The following ZBBX variants were observed in gnomAD, a reference collection of about 807,000 sequenced individuals.
The protein encoded by ZBBX is zinc finger B-box domain containing.
A neutral mutation model predicts 108.5 loss-of-function variants in ZBBX; 101 were observed. The ratio of observed to expected loss-of-function variants is 0.93; its 90% confidence interval spans 0.79 to 1.10. The LOEUF (loss-of-function observed/expected upper bound fraction) is 1.10. Ranked by LOEUF, ZBBX falls within the 50% of genes least tolerant of loss-of-function variation. The pLI is 0.00. For missense variants in ZBBX, 1,009 were observed against 941.4 expected, an observed-to-expected ratio of 1.07 and a Z score of -0.94; for synonymous variants, 356 against 323.4, an observed-to-expected ratio of 1.10 and a Z score of -1.08.
intron 17 of ZBBX, among the ~76,000 whole-genome samples, chr3:167,299,748 G>T (rs1261951504): frequency 1.3e-5 from 2 of 152,116 alleles, no homozygotes; most frequent in African/African-American, 4.8e-5. Context: ...GAGCACCATA[G>T]ATTTCTAAGT....
upstream of ZBBX, chr3:167,381,201 A>T (rs967957066): frequency 6.6e-5 from 10 of 152,138 alleles, no homozygotes; most frequent in African/African-American, 2.4e-4. Flanking sequence ...CACTTGGCAT[A>T]TTCAATTATA....
intron 11 of ZBBX, among the ~76,000 whole-genome samples, chr3:167,323,225 G>T (rs1736739358): frequency 9.8e-6 from 1 of 102,180 alleles, no homozygotes; most frequent in Non-Finnish European, 1.9e-5. Flanking sequence ...TTTCTTGACA[G>T]GAGAGCTAAA....
intron 9 of ZBBX, among the ~76,000 whole-genome samples, chr3:167,339,257 C>G (rs1740119099): frequency 6.6e-6 from 1 of 151,994 alleles, no homozygotes; most frequent in African/African-American, 2.4e-5. Flanking sequence ...AAATGCCTCC[C>G]CTTAGCTTAA....
the ZBBX span, among the ~76,000 whole-genome samples, chr3:167,233,493 C>G: frequency 0.4 from 60,617 of 151,458 alleles, 12,454 homozygotes; most frequent in Non-Finnish European, 0.45. Context: ...GAAATAGAGC[C>G]AGTGAGCCAA....
At chr3:167,342,787 T>G (rs1740765267) in intron 9 of ZBBX, among the ~76,000 whole-genome samples, 1 of 150,292 alleles carries the variant, frequency 6.7e-6, no homozygotes, top group Non-Finnish European at 1.5e-5. Flanking sequence ...CCATGGTAAG[T>G]GTTATTACCA....
intron 6 of ZBBX, among the ~76,000 whole-genome samples, chr3:167,364,863 G>A (rs966132745): frequency 2.0e-5 from 3 of 151,698 alleles, no homozygotes; most frequent in Non-Finnish European, 4.4e-5. Context: ...TGTATACCCC[G>A]TACTTTTCTA....
chr3:167,386,486 C>T (rs568165373), intron 1 of ZBBX, among the ~76,000 whole-genome samples: 1 of 152,112 alleles, frequency 6.6e-6, no homozygotes, highest in African/African-American at 2.4e-5. Flanking sequence ...CTGTAACTCT[C>T]ATAATTGCAA....
chr3:167,272,126 C>G (rs1373140686), intron 20 of ZBBX, among the ~76,000 whole-genome samples: 1 of 152,140 alleles, frequency 6.6e-6, no homozygotes, highest in Non-Finnish European at 1.5e-5. Flanking sequence ...TACCATGGAC[C>G]AAATGTCTTC....
intron 5 of ZBBX, among the ~76,000 whole-genome samples, chr3:167,366,434 G>T (rs778020905): frequency 1.3e-4 from 20 of 151,844 alleles, no homozygotes; most frequent in African/African-American, 4.8e-4. Flanking sequence ...AAACATAACA[G>T]AGATTACAAA....
the ZBBX span, among the ~76,000 whole-genome samples, chr3:167,212,094 C>G: frequency 1.3e-5 from 2 of 152,026 alleles, no homozygotes; most frequent in South Asian, 4.1e-4. Flanking sequence ...AACAACAGGT[C>G]TGTCCCTCCC....
chr3:167,375,849 C>T (rs1328016816), intron 2 of ZBBX, among the ~76,000 whole-genome samples: 6 of 152,110 alleles, frequency 3.9e-5, no homozygotes, highest in Admixed American at 3.3e-4. Context: ...AAAATAATTA[C>T]TACATTTTAA....
intron 17 of ZBBX, among the ~76,000 whole-genome samples, chr3:167,300,286 A>G (rs1359170916): frequency 6.6e-6 from 1 of 152,114 alleles, no homozygotes; most frequent in Non-Finnish European, 1.5e-5. Flanking sequence ...AATATCCCCC[A>G]TGAGGAAAAG....
the ZBBX span, among the ~76,000 whole-genome samples, chr3:167,206,046 A>G: frequency 1.3e-5 from 2 of 152,008 alleles, no homozygotes; most frequent in African/African-American, 4.8e-5. Context: ...CATATAGTAC[A>G]ATATTATTAT....
rs115065642 is a variant in ZBBX, at chr3:167,398,285, C to A, written c.-446+9441G>T. The stretch of plus-strand genomic sequence containing the variant: ...ATCACAGCAAAAAAAGATAACTTGA[C>A]TTTAACTGTGAAATGCAAATTCATT... On this transcript the variant is annotated intron_variant, in intron 1 of 21. Transcript: ENST00000455345. Among the ~76,000 whole-genome samples the A allele has an allele frequency of 1.8e-3, 271 of 152,112 alleles. 1 individual carries two copies. Among genetic ancestry groups the A allele is most frequent in the African/African-American group, 6.5e-3 (268 of 41,508 alleles).
At chr3:167,355,200 C>T (rs1002740206) in intron 8 of ZBBX, among the ~76,000 whole-genome samples, 2 of 151,908 alleles carry the variant, frequency 1.3e-5, no homozygotes, top group South Asian at 2.1e-4. Context: ...TTTTGGGCTT[C>T]GTCTTTGCCA....
intron 10 of ZBBX, among the ~76,000 whole-genome samples, chr3:167,330,797 AAG>A: frequency 1.3e-5 from 2 of 148,596 alleles, no homozygotes; most frequent in Non-Finnish European, 3.0e-5. Context: ...AAGAAAGAAG[AAG>A]AAGAAGAAGG....
chr3:167,232,782 T>C, the ZBBX span, among the ~76,000 whole-genome samples: 1 of 151,756 alleles, frequency 6.6e-6, no homozygotes, highest in African/African-American at 2.4e-5. Flanking sequence ...AGGCTATTCA[T>C]GTCCACCAAT....
At chr3:167,321,964 A>G (rs879712127) in intron 12 of ZBBX, among the ~76,000 whole-genome samples, 153 bp downstream of exon 12, 6 of 152,016 alleles carry the variant, frequency 3.9e-5, no homozygotes, top group African/African-American at 7.2e-5. Context: ...TTCTTATTGG[A>G]ACAGCAACTT....
chr3:167,308,285 T>C (rs1459166103), intron 16 of ZBBX, among the ~76,000 whole-genome samples: 3 of 152,040 alleles, frequency 2.0e-5, no homozygotes, highest in South Asian at 2.1e-4. Context: ...TCAGAATGGA[T>C]ATTATTAAAA....
Sources: gnomAD v4.1 joint callset for allele counts (sites outside exome capture counted in the v4.1 genomes callset) on GRCh38, gnomAD v4.1.1 for gene constraint, MANE v1.5 for transcripts, NCBI Gene and HGNC (gene_info 2026-07-23, HGNC 2026-07-21) for gene names.